DISP1: variants seen among roughly 807,000 people sequenced by gnomAD.
The protein encoded by DISP1 is dispatched RND transporter family member 1.
In DISP1, 30 loss-of-function variants were observed where a neutral mutation model predicts 37.3. That is an observed-to-expected ratio of 0.80 (90% CI 0.60 to 1.09). The LOEUF (loss-of-function observed/expected upper bound fraction) is 1.09. Among genes scored for constraint, DISP1 ranks in the 50% least tolerant of loss-of-function variants. The pLI, the probability that DISP1 is intolerant of heterozygous loss-of-function variation, is 0.00. For missense variants in DISP1, 1,598 were observed against 1,879.5 expected (o/e 0.85, Z 2.77); for synonymous variants, 634 against 690.2 (o/e 0.92, Z 1.28).
chr1:222,995,141 T>A (rs914647387), intron 8 of DISP1, among the ~76,000 whole-genome samples, 159 bp downstream of exon 8: 1 of 152,226 alleles, frequency 6.6e-6, no homozygotes, highest in Non-Finnish European at 1.5e-5. Flanking sequence ...TTCTTTCAGA[T>A]CCCAGGATCA....
At chr1:222,844,284 G>C (rs1667775420) in intron 1 of DISP1, among the ~76,000 whole-genome samples, 1 of 152,152 alleles carries the variant, frequency 6.6e-6, no homozygotes, top group African/African-American at 2.4e-5. Context: ...TGTACGGAGT[G>C]AAAGGAAGGA....
intron 3 of DISP1, among the ~76,000 whole-genome samples, chr1:222,978,056 T>G (rs1326680941): frequency 6.6e-6 from 1 of 152,208 alleles, no homozygotes; most frequent in Non-Finnish European, 1.5e-5. Flanking sequence ...TACCCAGTAA[T>G]GGGATGGCTG....
chr1:222,942,551 G>A (rs1674462859), intron 2 of DISP1, among the ~76,000 whole-genome samples: 1 of 151,994 alleles, frequency 6.6e-6, no homozygotes, highest in African/African-American at 2.4e-5. Flanking sequence ...GGCACTGAAA[G>A]GAGAGGTGGG....
chr1:222,985,646 T>C (rs1678221837), intron 4 of DISP1, among the ~76,000 whole-genome samples: 1 of 152,134 alleles, frequency 6.6e-6, no homozygotes, highest in African/African-American at 2.4e-5. Flanking sequence ...CAAGACTCCG[T>C]CTCGGGGTGG....
chr1:222,874,702 G>A (rs1482041050), intron 1 of DISP1, among the ~76,000 whole-genome samples: 2 of 151,972 alleles, frequency 1.3e-5, no homozygotes, highest in African/African-American at 4.8e-5. Flanking sequence ...CCATTGGTTC[G>A]AACTTCCTCC....
chr1:222,988,477 T>C (rs1225899318), intron 4 of DISP1, among the ~76,000 whole-genome samples: 1 of 152,148 alleles, frequency 6.6e-6, no homozygotes, highest in Non-Finnish European at 1.5e-5. Flanking sequence ...TTGTGAGAAT[T>C]GAACAATATA....
At chr1:222,854,795 T>A (rs1380165020) in intron 1 of DISP1, among the ~76,000 whole-genome samples, 3 of 151,752 alleles carry the variant, frequency 2.0e-5, no homozygotes, top group African/African-American at 4.8e-5. Context: ...CAGAATACGG[T>A]GCTTTGAAAC....
chr1:222,999,210 A>T (rs1399007378), intron 8 of DISP1, among the ~76,000 whole-genome samples: 1 of 152,190 alleles, frequency 6.6e-6, no homozygotes, highest in Non-Finnish European at 1.5e-5. Flanking sequence ...TTATAACCAC[A>T]TAAGCACAAT....
intron 3 of DISP1, chr1:222,979,731 C>T (rs989210993): frequency 4.3e-6 from 2 of 464,034 alleles, no homozygotes; most frequent in Non-Finnish European, 9.0e-6. Flanking sequence ...ACTGGAGTGG[C>T]CCTGCACTCC....
chr1:222,817,349 C>G (rs1661503412), intron 1 of DISP1, among the ~76,000 whole-genome samples: 1 of 152,194 alleles, frequency 6.6e-6, no homozygotes, highest in South Asian at 2.1e-4. Flanking sequence ...AACCAAAACA[C>G]TGTCTTCATA....
At chr1:222,847,899 TA>T (rs2125303299) in intron 1 of DISP1, among the ~76,000 whole-genome samples, 1 of 152,342 alleles carries the variant, frequency 6.6e-6, no homozygotes, top group East Asian at 1.9e-4. Flanking sequence ...TTCTCTTTTT[TA>T]ATGGCTTTTG....
intron 3 of DISP1, among the ~76,000 whole-genome samples, chr1:222,950,205 C>G (rs1675106329): frequency 6.6e-6 from 1 of 151,996 alleles, no homozygotes; most frequent in Non-Finnish European, 1.5e-5. Context: ...TGAAAGATGA[C>G]TAGAAATGAA....
intron 5 of DISP1, 152 bp downstream of exon 5, chr1:222,990,900 C>G: frequency 8.8e-7 from 1 of 1,142,772 alleles, no homozygotes; most frequent in Non-Finnish European, 1.3e-6. Flanking sequence ...ATGACTTTAT[C>G]TGTATTATCA....
Position 222,911,181 on chromosome 1 carries a change from T to G in DISP1, c.-158-17249T>G, listed in dbSNP as rs539855784. Among the ~76,000 whole-genome samples the G allele has an allele frequency of 2.6e-5, 4 of 152,328 alleles. No individual in the cohort carries two copies. In the South Asian group the frequency reaches 8.3e-4, roughly 32 times the overall value. ...ATTTGAAAGGCTCTACCTCTTTGTA[T>G]TATATCAGCTTTGGTTAAAACCTGT... On this transcript the variant is annotated intron_variant, in intron 1 of 8. Transcript: ENST00000675850.
chr1:222,920,495 A>C lies in DISP1; in HGVS notation c.-158-7935A>C, dbSNP rs192354158. Among the ~76,000 whole-genome samples, 758 of 152,312 alleles carry C rather than the reference A, an allele frequency of 5.0e-3. 7 individuals are homozygous for C. The highest frequency in any genetic ancestry group is 7.7e-3 in the South Asian group (37 of 4,828). On this transcript the variant is annotated intron_variant, in intron 1 of 8. Transcript: ENST00000675850. The stretch of plus-strand genomic sequence containing the variant: ...TTCAGCTTGTTTTTGATATAAAACT[A>C]TCAAATATGAGCCTTCTGTCCTCTA...
At chr1:222,884,022 TTG>T (rs1670433696) in intron 1 of DISP1, among the ~76,000 whole-genome samples, 1 of 152,166 alleles carries the variant, frequency 6.6e-6, no homozygotes, top group African/African-American at 2.4e-5. Context: ...TGTCCTATAA[TTG>T]ACTCTCAGTA....
chr1:222,823,235 T>G (rs1255784801), intron 1 of DISP1, among the ~76,000 whole-genome samples: 1 of 152,150 alleles, frequency 6.6e-6, no homozygotes, highest in East Asian at 1.9e-4. Context: ...ACTCAATATG[T>G]TTATTGCAGC....
At position 222,943,015 on chromosome 1, in the gene DISP1, A is replaced by G; in HGVS notation, c.192A>G (p.Ser64=). Reference sequence around the variant, plus strand: ...TGCAACTTAATGGCACGGTCAAATCATCCTTTCTGCCTTTAGACAACCAAA... The same window carrying G: ...TGCAACTTAATGGCACGGTCAAATCGTCCTTTCTGCCTTTAGACAACCAAA... ...GCLQLNGTVK[S]SFLPLDNQRM... is the part of the protein sequence containing the mutation. The change falls in exon 3 of 9, where the codon TCA becomes TCG. Residue 64 remains serine, a synonymous_variant. Coordinates refer to ENST00000675850, the MANE Select transcript of DISP1 (RefSeq NM_001377229.1). The G allele has an allele frequency of 6.2e-7, 1 of 1,614,182 alleles. No homozygotes were observed. Among genetic ancestry groups the G allele is most frequent in the Non-Finnish European group, 8.5e-7 (1 of 1,180,036 alleles).
intron 1 of DISP1, among the ~76,000 whole-genome samples, chr1:222,870,449 C>G (rs1669479234): frequency 6.6e-6 from 1 of 152,136 alleles, no homozygotes. Flanking sequence ...TCTCCAGCAC[C>G]TGTTGTTTCC....
Sources: allele counts gnomAD v4.1 joint callset (sites outside exome capture counted in the v4.1 genomes callset), GRCh38; gene constraint gnomAD v4.1.1; transcripts MANE v1.5; gene names NCBI Gene and HGNC (gene_info 2026-07-23, HGNC 2026-07-21).